ATP8B1: variants seen among roughly 807,000 people sequenced by gnomAD.
ATP8B1 encodes the protein ATPase phospholipid transporting 8B1.
Under a neutral mutation model 149.9 loss-of-function variants are expected in ATP8B1, and 80 were observed. That is an observed-to-expected ratio of 0.53 (90% CI 0.45 to 0.64). The LOEUF (loss-of-function observed/expected upper bound fraction) is 0.64, where lower values mean the gene tolerates loss of function less well. Among genes scored for constraint, ATP8B1 ranks in the 30% least tolerant of loss-of-function variants. The pLI is 0.00. For synonymous variants in ATP8B1, 536 were observed against 562.8 expected, an observed-to-expected ratio of 0.95 and a Z score of 0.67; for missense variants, 1,247 against 1,552.6, an observed-to-expected ratio of 0.80 and a Z score of 3.31.
chr18:57,710,749 C>A (rs1464940614), intron 2 of ATP8B1, among the ~76,000 whole-genome samples: 8 of 152,174 alleles, frequency 5.3e-5, no homozygotes, highest in African/African-American at 1.9e-4. Context: ...ATTCTCCTGC[C>A]TCACTCTCCT....
intron 2 of ATP8B1, among the ~76,000 whole-genome samples, chr18:57,729,557 T>C (rs1279507619): frequency 6.9e-6 from 1 of 145,950 alleles, no homozygotes; most frequent in African/African-American, 2.5e-5. Context: ...TTCTTTTTTT[T>C]TTTTTTTTTT....
chr18:57,681,970 A>G (rs1262153731), intron 15 of ATP8B1, among the ~76,000 whole-genome samples: 1 of 151,842 alleles, frequency 6.6e-6, no homozygotes, highest in Non-Finnish European at 1.5e-5. Context: ...CAGTGGACAA[A>G]GAGCTGCGGT....
intron 1 of ATP8B1, among the ~76,000 whole-genome samples, chr18:57,747,985 C>T (rs1336950629): frequency 6.6e-6 from 1 of 152,182 alleles, no homozygotes; most frequent in Non-Finnish European, 1.5e-5. Flanking sequence ...ATCTACAGAG[C>T]TTCCTACCAA....
intron 1 of ATP8B1, among the ~76,000 whole-genome samples, chr18:57,761,015 C>A (rs1024487745): frequency 3.6e-4 from 41 of 114,048 alleles, no homozygotes; most frequent in African/African-American, 1.3e-3. Flanking sequence ...AATAAAATAA[C>A]ATAAAATAAC....
chr18:57,745,944 A>C (rs2079960095), intron 1 of ATP8B1, among the ~76,000 whole-genome samples: 2 of 152,196 alleles, frequency 1.3e-5, no homozygotes, highest in South Asian at 4.1e-4. Context: ...GATATGCATG[A>C]GCCACCACGC....
At chr18:57,706,784 T>G (rs1913418709) in intron 2 of ATP8B1, among the ~76,000 whole-genome samples, 197 bp from the exon 3 acceptor site, 1 of 152,184 alleles carries the variant, frequency 6.6e-6, no homozygotes, top group Non-Finnish European at 1.5e-5. Flanking sequence ...TCAACATGAC[T>G]GATACCTTTA....
intron 22 of ATP8B1, chr18:57,659,799 C>T (rs2122629135): frequency 6.6e-6 from 1 of 152,196 alleles, no homozygotes; most frequent in East Asian, 1.9e-4. Context: ...TAGTATACAT[C>T]AAGGAGGAGG....
At chr18:57,759,651 T>TA (rs113413183) in intron 1 of ATP8B1, among the ~76,000 whole-genome samples, 1,602 of 144,016 alleles carry the variant, frequency 0.011, 32 homozygotes, top group African/African-American at 0.037. Flanking sequence ...CTACTAAAAA[T>TA]AAAAAAAAAA....
At chr18:57,743,921 C>T (rs746474789) in intron 1 of ATP8B1, among the ~76,000 whole-genome samples, 8 of 152,202 alleles carry the variant, frequency 5.3e-5, no homozygotes, top group Admixed American at 1.3e-4. Flanking sequence ...CTCCTTGTCA[C>T]AGTTTCTTCA....
In ATP8B1 at chr18:57,802,063, C is replaced by G. The variant is rs965794705; in HGVS notation, c.-26+935G>C. On this transcript the variant is annotated intron_variant, in intron 1 of 27. Coordinates refer to ENST00000648908, the MANE Select transcript of ATP8B1 (RefSeq NM_001374385.1). This position sits in a 1 kb window ranked among gnomAD's most constrained non-coding sequence, Gnocchi z 4.9. ...CTGCGCTCCGAGCACCGCCCCCCCC[C>G]GCAACCAGCCACCAACCCCCGGCAG... 2.0e-5 allele frequency: 3 copies of G among 148,730 alleles called. No homozygotes were observed. Among genetic ancestry groups the G allele is most frequent in the Non-Finnish European group, 3.0e-5 (2 of 67,306 alleles). 9.2% of individuals were successfully genotyped at this position (148,730 alleles called of 1,614,324 possible). A position where few individuals can be genotyped will look rare whatever the true frequency, so the allele number is the denominator to read the frequency against.
chr18:57,661,696 C>CACACACACACAT (rs775312497), intron 21 of ATP8B1, among the ~76,000 whole-genome samples: 1 of 90,398 alleles, frequency 1.1e-5, no homozygotes, highest in African/African-American at 4.0e-5. Flanking sequence ...CACACACACA[C>CACACACACACAT]ATATATATAT....
rs1455208472 is a variant in ATP8B1 at position 57,748,037 on chromosome 18, A to G, written c.-25-16205T>C. 2.6e-5 allele frequency among the ~76,000 whole-genome samples: 4 copies of G among 152,202 alleles called. No homozygotes were observed. In the East Asian group the frequency reaches 7.7e-4, roughly 29 times the overall value. Reference sequence around the variant, plus strand: ...CTGTTCTGGCTTTCAGAGTTTGAACAGGTCAAATATAAGGAGTGTGTCCAA... The same window carrying G: ...CTGTTCTGGCTTTCAGAGTTTGAACGGGTCAAATATAAGGAGTGTGTCCAA... On this transcript the variant is annotated intron_variant, in intron 1 of 27. Coordinates refer to ENST00000648908, the MANE Select transcript of ATP8B1 (RefSeq NM_001374385.1).
chr18:57,703,522 G>A (rs1913230224), intron 4 of ATP8B1, among the ~76,000 whole-genome samples: 1 of 148,746 alleles, frequency 6.7e-6, no homozygotes, highest in African/African-American at 2.5e-5. Context: ...GTTGCAGTGA[G>A]CCAAGATGGT....
intron 1 of ATP8B1, among the ~76,000 whole-genome samples, chr18:57,786,955 C>T (rs2080416291): frequency 6.6e-6 from 1 of 152,146 alleles, no homozygotes; most frequent in African/African-American, 2.4e-5. Flanking sequence ...AGAACAACAT[C>T]GACTTGGAAC....
In ATP8B1 at chr18:57,697,818, G is replaced by T; in HGVS notation, c.604C>A (p.Leu202Met). ...KEIQVGDVIRLKKNDFVPADI... is the reference protein window; with the variant it reads ...KEIQVGDVIRMKKNDFVPADI... ...ACTGGAACAAAATCATTTTTTTTCA[G>T]ACGAATGACGTCTCCAACTTGAATT... The change falls in exon 7 of 28, where the codon CTG (leucine) becomes ATG (methionine). Residue 202 changes from leucine to methionine, a missense_variant. Transcript: ENST00000648908. The T allele has an allele frequency of 6.2e-7, 1 of 1,613,756 alleles. No individual in the cohort carries two copies. Among genetic ancestry groups the T allele is most frequent in the Non-Finnish European group, 8.5e-7 (1 of 1,179,960 alleles).
chr18:57,699,252 G>A (rs1455141885), intron 6 of ATP8B1, among the ~76,000 whole-genome samples: 1 of 152,188 alleles, frequency 6.6e-6, no homozygotes, highest in Non-Finnish European at 1.5e-5. Context: ...AATATGTTTA[G>A]ATGGCTTTTT....
chr18:57,785,364 TAA>T (rs534164792), intron 1 of ATP8B1, among the ~76,000 whole-genome samples: 120 of 152,380 alleles, frequency 7.9e-4, no homozygotes, highest in Non-Finnish European at 6.6e-4. Flanking sequence ...CAAAATGCCA[TAA>T]GAGTCCTTTT....
At chr18:57,758,355 G>A (rs2080105687) in intron 1 of ATP8B1, among the ~76,000 whole-genome samples, 1 of 151,978 alleles carries the variant, frequency 6.6e-6, no homozygotes, top group South Asian at 2.1e-4. Flanking sequence ...AAGATAAGAA[G>A]ATAGGCCAGG....
chr18:57,667,039 G>T (rs1464524837), intron 20 of ATP8B1, 53 bp downstream of exon 20: 2 of 1,456,882 alleles, frequency 1.4e-6, no homozygotes, highest in Non-Finnish European at 9.6e-7. Flanking sequence ...AGACAGTCTT[G>T]CATTTGCAAA....
Sources: allele counts gnomAD v4.1 joint callset (sites outside exome capture counted in the v4.1 genomes callset), GRCh38; gene constraint gnomAD v4.1.1; non-coding constraint Gnocchi (gnomAD v3.1); transcripts MANE v1.5; gene names NCBI Gene and HGNC (gene_info 2026-07-23, HGNC 2026-07-21).